The following CA12 variants were observed in gnomAD, a reference collection of about 807,000 sequenced individuals.
The protein encoded by CA12 is carbonate dehydratase XII.
CA12 carries 36 observed loss-of-function variants against 46.8 expected under a neutral mutation model. The observed-to-expected ratio is 0.77, with a 90% CI of 0.59 to 1.02. The LOEUF (loss-of-function observed/expected upper bound fraction) is 1.02. Ranked by LOEUF, CA12 falls within the 50% of genes least tolerant of loss-of-function variation. The pLI is 0.00. For synonymous variants in CA12, 202 were observed against 187.0 expected, an observed-to-expected ratio of 1.08 and a Z score of -0.65; for missense variants, 436 against 451.4, an observed-to-expected ratio of 0.97 and a Z score of 0.31.
chr15:63,347,870 G>T (rs1292497769), intron 2 of CA12, among the ~76,000 whole-genome samples: 1 of 152,202 alleles, frequency 6.6e-6, no homozygotes. Context: ...CACAAGGAAG[G>T]TGGGTAAATA....
Position 63,328,089 on chromosome 15 carries a change from G to A in CA12, c.907+9C>T. On this transcript the variant is annotated intron_variant, in intron 9 of 10. Transcript: ENST00000178638. The surrounding 1 kb of genome is among the most constrained non-coding windows in gnomAD (Gnocchi z 5.9). ...TGCAGCATGCACGGCTGGCTGCCCA[G>A]CCACATACCCAGACTCAGTCCTGCC... is the stretch of plus-strand genomic sequence containing the variant. The A allele has an allele frequency of 6.2e-7, 1 of 1,613,774 alleles. No individual in the cohort carries two copies. The highest frequency in any genetic ancestry group is 8.5e-7 in the Non-Finnish European group (1 of 1,179,704).
rs1362698326 is a variant in CA12, at chr15:63,372,458, G to A, written c.106+3200C>T. Among the ~76,000 whole-genome samples, 1 of 152,200 alleles carries A rather than the reference G, an allele frequency of 6.6e-6. No individual in the cohort carries two copies. The highest frequency in any genetic ancestry group is 1.5e-5 in the Non-Finnish European group (1 of 68,034). ...AGCCTGGTGACTCAGCTATGAGGAT[G>A]TAGGGGTAGAACTCCCTTTTTTGTA... On this transcript the variant is annotated intron_variant, in intron 2 of 10. Transcript: ENST00000178638. The surrounding 1 kb of genome is among the most constrained non-coding windows in gnomAD (Gnocchi z 4.5).
At chr15:63,336,287 A>G (rs1211996391) in intron 8 of CA12, among the ~76,000 whole-genome samples, 1 of 152,142 alleles carries the variant, frequency 6.6e-6, no homozygotes, top group African/African-American at 2.4e-5. Context: ...ACGCTGCCCC[A>G]CTACAAGCAG....
chr15:63,328,094 A>G lies in CA12; in HGVS notation c.907+4T>C. 1.2e-6 allele frequency: 2 copies of G among 1,614,020 alleles called. No individual in the cohort carries two copies. Among genetic ancestry groups the G allele is most frequent in the Non-Finnish European group, 1.7e-6 (2 of 1,179,886 alleles). On this transcript the variant is annotated splice_donor_region_variant and intron_variant, in intron 9 of 10. Transcript: ENST00000178638. The surrounding 1 kb of genome is among the most constrained non-coding windows in gnomAD (Gnocchi z 5.9). ...CATGCACGGCTGGCTGCCCAGCCAC[A>G]TACCCAGACTCAGTCCTGCCGCAGT...
chr15:63,345,432 C>T lies in CA12; in HGVS notation c.429+45G>A. On this transcript the variant is annotated intron_variant, in intron 4 of 10. Coordinates refer to ENST00000178638, the MANE Select transcript of CA12 (RefSeq NM_001218.5). The surrounding 1 kb of genome is among the most constrained non-coding windows in gnomAD (Gnocchi z 4.3). Reference sequence around the variant, plus strand: ...CAGCCAGGTCGAGAAGGTGCCACACCACCCACTGCAGAGCAGCCTCTGCCA... The same window carrying T: ...CAGCCAGGTCGAGAAGGTGCCACACTACCCACTGCAGAGCAGCCTCTGCCA... 3 of 1,599,982 alleles carry T rather than the reference C, an allele frequency of 1.9e-6. No homozygotes were observed. Among genetic ancestry groups the T allele is most frequent in the Non-Finnish European group, 2.5e-6 (3 of 1,179,288 alleles).
At position 63,355,651 on chromosome 15, in the gene CA12, G is replaced by A. The variant is rs962843023; in HGVS notation, c.107-8942C>T. 2.6e-5 allele frequency among the ~76,000 whole-genome samples: 4 copies of A among 152,138 alleles called. No homozygotes were observed. The highest frequency in any genetic ancestry group is 7.2e-5 in the African/African-American group (3 of 41,416). On this transcript the variant is annotated intron_variant, in intron 2 of 10. Coordinates refer to ENST00000178638, the MANE Select transcript of CA12 (RefSeq NM_001218.5). This position sits in a 1 kb window ranked among gnomAD's most constrained non-coding sequence, Gnocchi z 4.1. ...CTGAAGTGTTCAACAAACAGCTCTTGAACTAAGCAACAAACAACAGCAAAC... is the reference window on the plus strand; with the variant it reads ...CTGAAGTGTTCAACAAACAGCTCTTAAACTAAGCAACAAACAACAGCAAAC...
chr15:63,375,698 G>C lies in CA12; in HGVS notation c.86-20C>G. ...TGGAACCTACAAAGAACAAAACACA[G>C]TAAGTAAGTACAATGGAACCAGATG... On this transcript the variant is annotated intron_variant, in intron 1 of 10. Coordinates refer to ENST00000178638, the MANE Select transcript of CA12 (RefSeq NM_001218.5). The C allele has an allele frequency of 6.4e-7, 1 of 1,570,204 alleles. No homozygotes were observed. Among genetic ancestry groups the C allele is most frequent in the Non-Finnish European group, 8.8e-7 (1 of 1,142,732 alleles).
intron 4 of CA12, among the ~76,000 whole-genome samples, chr15:63,344,462 AG>A (rs2039120182): frequency 6.6e-6 from 1 of 152,262 alleles, no homozygotes; most frequent in Non-Finnish European, 1.5e-5. Flanking sequence ...CCATGGGGGA[AG>A]CAGAAGTCTC....
At chr15:63,381,470 A>G (rs2291879) in intron 1 of CA12, among the ~76,000 whole-genome samples, 166 bp downstream of exon 1, 3,917 of 152,264 alleles carry the variant, frequency 0.026, 73 homozygotes, top group Non-Finnish European at 0.038. Flanking sequence ...TCCCGACCCA[A>G]CCTCAGCAAA....
rs566255220 is a variant in CA12 at position 63,329,169 on chromosome 15, T to C, written c.875-1039A>G. Among the ~76,000 whole-genome samples the C allele has an allele frequency of 6.6e-6, 1 of 152,212 alleles. No individual in the cohort carries two copies. The highest frequency in any genetic ancestry group is 1.5e-5 in the Non-Finnish European group (1 of 68,038). Reference sequence around the variant, plus strand: ...CCAGCCCATCAGCTTGTCATCATGGTTTGGTTCTATTTTTGCTTTGTCCCT... The same window carrying C: ...CCAGCCCATCAGCTTGTCATCATGGCTTGGTTCTATTTTTGCTTTGTCCCT... On this transcript the variant is annotated intron_variant, in intron 8 of 10. Transcript: ENST00000178638. This position sits in a 1 kb window ranked among gnomAD's most constrained non-coding sequence, Gnocchi z 4.8.
At chr15:63,356,753 C>T (rs913380793) in intron 2 of CA12, among the ~76,000 whole-genome samples, 14 of 152,166 alleles carry the variant, frequency 9.2e-5, no homozygotes, top group African/African-American at 2.9e-4. Flanking sequence ...AAGTGATCCA[C>T]CCACCTTGGC....
intron 2 of CA12, among the ~76,000 whole-genome samples, chr15:63,349,902 C>T (rs139066967): frequency 3.9e-5 from 6 of 152,256 alleles, no homozygotes; most frequent in African/African-American, 7.2e-5. Flanking sequence ...TCCCAGGGAA[C>T]GTGCACCCAC....
intron 8 of CA12, among the ~76,000 whole-genome samples, chr15:63,333,999 C>T (rs1163842719): frequency 6.6e-6 from 1 of 152,124 alleles, no homozygotes; most frequent in Admixed American, 6.5e-5. Context: ...CATCTGGGCC[C>T]AGTGTTGGTG....
In CA12 at chr15:63,372,306, A is replaced by C. The variant is rs144553058; in HGVS notation, c.106+3352T>G. Among the ~76,000 whole-genome samples, 1 of 152,304 alleles carries C rather than the reference A, an allele frequency of 6.6e-6. No homozygotes were observed. The highest frequency in any genetic ancestry group is 6.5e-5 in the Admixed American group (1 of 15,302). On this transcript the variant is annotated intron_variant, in intron 2 of 10. Transcript: ENST00000178638. The surrounding 1 kb of genome is among the most constrained non-coding windows in gnomAD (Gnocchi z 4.5). ...TCTCTCTCATGATGCCACCTCAGCC[A>C]TGCTAAGCCCAGCAGCCATTCAGCT...
rs1371675719 is a variant in CA12, at chr15:63,348,964, G to A, written c.107-2255C>T. ...GAAGTTAGGACCAAATAAGGTATTTGGGGGGCAGGAAAGACTAAGGATATT... is the reference window on the plus strand; with the variant it reads ...GAAGTTAGGACCAAATAAGGTATTTAGGGGGCAGGAAAGACTAAGGATATT... On this transcript the variant is annotated intron_variant, in intron 2 of 10. Transcript: ENST00000178638. The surrounding 1 kb of genome is among the most constrained non-coding windows in gnomAD (Gnocchi z 4.6). 2.0e-5 allele frequency among the ~76,000 whole-genome samples: 3 copies of A among 152,204 alleles called. No individual in the cohort carries two copies. The highest frequency in any genetic ancestry group is 7.2e-5 in the African/African-American group (3 of 41,450).
intron 2 of CA12, among the ~76,000 whole-genome samples, chr15:63,346,929 C>A (rs1488156749): frequency 6.6e-6 from 1 of 152,212 alleles, no homozygotes; most frequent in Non-Finnish European, 1.5e-5. Flanking sequence ...ACTAGGGCTG[C>A]ACAGGCCAGA....
At chr15:63,375,596 T>C in intron 2 of CA12, 62 bp downstream of exon 2, 1 of 1,102,990 alleles carries the variant, frequency 9.1e-7, no homozygotes, top group Non-Finnish European at 1.4e-6. Context: ...TCTGTTTTTC[T>C]CATTAAATAC....
At chr15:63,356,729 G>C (rs1029002327) in intron 2 of CA12, among the ~76,000 whole-genome samples, 1 of 151,982 alleles carries the variant, frequency 6.6e-6, no homozygotes, top group African/African-American at 2.4e-5. Flanking sequence ...CACCAGTCTC[G>C]ATCTCCTGAC....
intron 8 of CA12, among the ~76,000 whole-genome samples, chr15:63,332,431 A>T (rs1419498790): frequency 6.6e-6 from 1 of 152,238 alleles, no homozygotes; most frequent in African/African-American, 2.4e-5. Flanking sequence ...ACAGGAATGC[A>T]GCCCCTGCAG....
Sources: gnomAD v4.1 joint callset for allele counts (sites outside exome capture counted in the v4.1 genomes callset) on GRCh38, gnomAD v4.1.1 for gene constraint, Gnocchi (gnomAD v3.1) non-coding constraint, MANE v1.5 for transcripts, NCBI Gene and HGNC (gene_info 2026-07-23, HGNC 2026-07-21) for gene names.